The following RCAN2 variants were observed in gnomAD, a reference collection of about 807,000 sequenced individuals.
RCAN2 encodes the protein calcipressin-2.
In RCAN2, 9 loss-of-function variants were observed where a neutral mutation model predicts 23.6. That is an observed-to-expected ratio of 0.38 (90% CI 0.23 to 0.67). The LOEUF is 0.67. Ranked by LOEUF, RCAN2 falls within the 30% of genes least tolerant of loss-of-function variation. The pLI is 0.51. For missense variants in RCAN2, 273 were observed against 302.3 expected, an observed-to-expected ratio of 0.90 and a Z score of 0.72; for synonymous variants, 109 against 115.7, an observed-to-expected ratio of 0.94 and a Z score of 0.37.
intron 2 of RCAN2, among the ~76,000 whole-genome samples, chr6:46,442,041 T>C (rs1000970992): frequency 2.0e-5 from 3 of 152,340 alleles, no homozygotes; most frequent in African/African-American, 7.2e-5. Flanking sequence ...ACTCTGACTT[T>C]CTCTGGTTAT....
intron 2 of RCAN2, among the ~76,000 whole-genome samples, chr6:46,357,853 G>A (rs576909469): frequency 1.3e-5 from 2 of 152,296 alleles, no homozygotes; most frequent in South Asian, 4.1e-4. Context: ...CTAGGGCAAG[G>A]AAACATTAAT....
chr6:46,455,805 C>T (rs1301386144), intron 2 of RCAN2, among the ~76,000 whole-genome samples: 3 of 147,462 alleles, frequency 2.0e-5, no homozygotes, highest in African/African-American at 2.5e-5. Flanking sequence ...GGCAGTGAGC[C>T]GAGATTGCAC....
chr6:46,408,563 G>T (rs1371930068), intron 2 of RCAN2, among the ~76,000 whole-genome samples: 10 of 152,094 alleles, frequency 6.6e-5, no homozygotes, highest in Admixed American at 6.6e-4. Context: ...CTGCCACTAG[G>T]ACTCTTAGTG....
At chr6:46,387,073 C>T (rs1765777558) in intron 2 of RCAN2, among the ~76,000 whole-genome samples, 1 of 152,134 alleles carries the variant, frequency 6.6e-6, no homozygotes, top group African/African-American at 2.4e-5. Context: ...AACTGGATCC[C>T]TTCCTTACAC....
At chr6:46,449,692 C>T (rs920439906) in intron 2 of RCAN2, among the ~76,000 whole-genome samples, 25 of 151,696 alleles carry the variant, frequency 1.6e-4, no homozygotes, top group African/African-American at 5.8e-4. Flanking sequence ...AATTGATTTT[C>T]CACAAAGGTG....
intron 2 of RCAN2, among the ~76,000 whole-genome samples, chr6:46,255,705 T>TGAGC (rs1171155230): frequency 6.6e-6 from 1 of 151,926 alleles, no homozygotes; most frequent in Non-Finnish European, 1.5e-5. Context: ...GGGACAACCA[T>TGAGC]GAGCCAGATA....
At chr6:46,368,525 G>A (rs1245965421) in intron 2 of RCAN2, among the ~76,000 whole-genome samples, 1 of 152,160 alleles carries the variant, frequency 6.6e-6, no homozygotes, top group African/African-American at 2.4e-5. Flanking sequence ...CACAAACCTA[G>A]ATGGTATAGC....
At chr6:46,296,333 C>T (rs1276447751) in intron 2 of RCAN2, among the ~76,000 whole-genome samples, 1 of 151,506 alleles carries the variant, frequency 6.6e-6, no homozygotes, top group Non-Finnish European at 1.5e-5. Flanking sequence ...ATAAAGACTT[C>T]ACCAATGCAA....
intron 2 of RCAN2, among the ~76,000 whole-genome samples, chr6:46,378,187 G>A (rs1765531377): frequency 1.3e-5 from 2 of 152,156 alleles, no homozygotes; most frequent in Non-Finnish European, 2.9e-5. Flanking sequence ...TGGGTCTCAT[G>A]ATTTGTTGGT....
At position 46,254,395 on chromosome 6, in the gene RCAN2, T is replaced by C. The variant is rs1766836194; in HGVS notation, c.226-5499A>G. On this transcript the variant is annotated intron_variant, in intron 2 of 4. Coordinates refer to ENST00000371374, the MANE Select transcript of RCAN2 (RefSeq NM_001251974.2). ...CAAGGAAGTGTGATAATACTGGTAT[T>C]GAATGCTGCAGGAAGGTCAAATAGG... is the stretch of plus-strand genomic sequence containing the variant. 2.6e-5 allele frequency among the ~76,000 whole-genome samples: 4 copies of C among 152,208 alleles called. No homozygotes were observed. In the South Asian group the frequency reaches 8.3e-4, roughly 32 times the overall value.
chr6:46,256,822 A>G (rs1766933914), intron 2 of RCAN2, among the ~76,000 whole-genome samples: 1 of 152,238 alleles, frequency 6.6e-6, no homozygotes, highest in African/African-American at 2.4e-5. Context: ...ATTGAAGCCA[A>G]GAAGGAGGTC....
intron 4 of RCAN2, 21 bp from the exon 5 acceptor site, chr6:46,223,322 A>T: frequency 6.2e-7 from 1 of 1,608,556 alleles, no homozygotes; most frequent in Non-Finnish European, 8.5e-7. Context: ...AGAAAAATGG[A>T]AGTGAGAAAG....
chr6:46,457,887 A>G (rs534263399), intron 1 of RCAN2, among the ~76,000 whole-genome samples: 1 of 152,232 alleles, frequency 6.6e-6, no homozygotes, highest in African/African-American at 2.4e-5. Context: ...CAGTTTGCCT[A>G]ACTGCAGAGT....
At position 46,221,681 on chromosome 6, in the gene RCAN2, A is replaced by C. The variant is rs1207402659; in HGVS notation, c.*1460T>G. 1 of 368,346 alleles carries C rather than the reference A, an allele frequency of 2.7e-6. No homozygotes were observed. The highest frequency in any genetic ancestry group is 4.8e-6 in the Non-Finnish European group (1 of 206,932). The allele number at this position is 368,346 out of a possible 1,614,324, so 22.8% of individuals were successfully genotyped here. A position where few individuals can be genotyped will look rare whatever the true frequency, so the allele number is the denominator to read the frequency against. On this transcript the variant is annotated 3_prime_UTR_variant, in exon 5 of 5. Transcript: ENST00000371374. Reference sequence around the variant, plus strand: ...ACATACACCTTAGTCAAAAACCACAACAATCCCTCAATCTGTTTGCTGTGT... The same window carrying C: ...ACATACACCTTAGTCAAAAACCACACCAATCCCTCAATCTGTTTGCTGTGT...
At chr6:46,232,286 G>A (rs1233792641) in intron 4 of RCAN2, among the ~76,000 whole-genome samples, 1 of 152,242 alleles carries the variant, frequency 6.6e-6, no homozygotes, top group Non-Finnish European at 1.5e-5. Flanking sequence ...AATTGTGTGG[G>A]TTCTGTTCTC....
chr6:46,263,761 TAAG>T (rs1767225008), intron 2 of RCAN2, among the ~76,000 whole-genome samples: 3 of 149,850 alleles, frequency 2.0e-5, no homozygotes, highest in Admixed American at 2.0e-4. Context: ...TTCAAGGGAT[TAAG>T]AAGAGGATAA....
At chr6:46,262,588 T>TTAAATAAATAAA (rs10526400) in intron 2 of RCAN2, among the ~76,000 whole-genome samples, 75,200 of 146,262 alleles carry the variant, frequency 0.51, 22,757 homozygotes, top group Non-Finnish European at 0.69. Context: ...AGCCTCTGTC[T>TTAAATAAATAAA]TAAATAAATA....
intron 1 of RCAN2, among the ~76,000 whole-genome samples, chr6:46,486,265 T>A (rs1582240357): frequency 6.6e-6 from 1 of 152,320 alleles, no homozygotes. Context: ...GTGATGATAA[T>A]ACCCACCTTG....
intron 2 of RCAN2, among the ~76,000 whole-genome samples, chr6:46,293,585 T>C (rs897073977): frequency 2.0e-5 from 3 of 152,212 alleles, no homozygotes; most frequent in African/African-American, 7.2e-5. Flanking sequence ...CAAATGCAGT[T>C]ATTTTTAGCT....
Sources: allele counts gnomAD v4.1 joint callset (sites outside exome capture counted in the v4.1 genomes callset), GRCh38; gene constraint gnomAD v4.1.1; transcripts MANE v1.5; gene names NCBI Gene and HGNC (gene_info 2026-07-23, HGNC 2026-07-21).